The following NFIA variants were observed in gnomAD, a reference collection of about 807,000 sequenced individuals.
NFIA encodes the protein nuclear factor I A, also known as nuclear factor 1 A-type.
In NFIA, 8 loss-of-function variants were observed where a neutral mutation model predicts 62.8. That is an observed-to-expected ratio of 0.13 (90% CI 0.07 to 0.23). The LOEUF is 0.23. Ranked by LOEUF, NFIA falls within the 10% of genes least tolerant of loss-of-function variation. NFIA has a pLI of 1.00. For missense variants in NFIA, 410 were observed against 642.1 expected (o/e 0.64, Z 3.91); for synonymous variants, 235 against 238.1 (o/e 0.99, Z 0.12).
At chr1:61,172,337 G>C (rs1019571931) in intron 2 of NFIA, among the ~76,000 whole-genome samples, 1 of 152,242 alleles carries the variant, frequency 6.6e-6, no homozygotes, top group Admixed American at 6.5e-5. Context: ...TGCTGGTGAC[G>C]AATGACATGA....
At chr1:61,147,138 T>C (rs1195061845) in intron 2 of NFIA, among the ~76,000 whole-genome samples, 1 of 152,106 alleles carries the variant, frequency 6.6e-6, no homozygotes, top group African/African-American at 2.4e-5. Context: ...TCAAGGTGAA[T>C]GCCTGATTCT....
At chr1:61,177,074 C>A (rs1347272342) in intron 2 of NFIA, among the ~76,000 whole-genome samples, 1 of 151,890 alleles carries the variant, frequency 6.6e-6, no homozygotes, top group Non-Finnish European at 1.5e-5. Context: ...CCACTGCACT[C>A]CAGCCTGGGC....
At chr1:61,262,371 T>C (rs542572861) in intron 2 of NFIA, among the ~76,000 whole-genome samples, 17 of 152,372 alleles carry the variant, frequency 1.1e-4, no homozygotes, top group Non-Finnish European at 2.2e-4. Context: ...TGTTACTTTC[T>C]GCTAATTTAA....
At chr1:61,333,248 C>G (rs569786334) in intron 4 of NFIA, among the ~76,000 whole-genome samples, 9 of 152,234 alleles carry the variant, frequency 5.9e-5, no homozygotes, top group Admixed American at 4.6e-4. Flanking sequence ...CAAAATACCA[C>G]TTGTAGGTAA....
chr1:61,185,509 T>C (rs1651105791), intron 2 of NFIA, among the ~76,000 whole-genome samples: 1 of 152,178 alleles, frequency 6.6e-6, no homozygotes, highest in African/African-American at 2.4e-5. Context: ...TTAGTTTATA[T>C]CACTCTTCTG....
intron 2 of NFIA, among the ~76,000 whole-genome samples, chr1:61,096,121 G>C (rs1219959433): frequency 6.6e-6 from 1 of 152,072 alleles, no homozygotes; most frequent in Non-Finnish European, 1.5e-5. Flanking sequence ...AATTTTATTA[G>C]TTTAAAATTA....
intron 3 of NFIA, among the ~76,000 whole-genome samples, chr1:61,285,968 A>G (rs76695516): frequency 0.052 from 7,947 of 152,246 alleles, 732 homozygotes; most frequent in African/African-American, 0.18. Context: ...TCAGAGATGA[A>G]CAAGAAGAAG....
intron 9 of NFIA, among the ~76,000 whole-genome samples, chr1:61,410,784 G>A (rs547155000): frequency 2.4e-4 from 37 of 152,188 alleles, no homozygotes; most frequent in African/African-American, 7.0e-4. Context: ...GCGTGCACCC[G>A]TAGTTTCAGC....
At position 61,437,946 on chromosome 1, in the gene NFIA, A is replaced by G. The variant is rs72915764; in HGVS notation, c.1512+11390A>G. ...ACATACCTTTTTCCAAGGGTAGTAAAGCACTTGGACTTTATTCTGTGGGAG... is the reference window on the plus strand; with the variant it reads ...ACATACCTTTTTCCAAGGGTAGTAAGGCACTTGGACTTTATTCTGTGGGAG... On this transcript the variant is annotated intron_variant, in intron 10 of 10. Transcript: ENST00000403491. 9.6e-3 allele frequency among the ~76,000 whole-genome samples: 1,458 copies of G among 152,284 alleles called. 14 individuals are homozygous for G. The highest frequency in any genetic ancestry group is 0.033 in the African/African-American group (1,376 of 41,552).
At chr1:61,216,866 G>C (rs2100611194) in intron 2 of NFIA, among the ~76,000 whole-genome samples, 2 of 151,880 alleles carry the variant, frequency 1.3e-5, no homozygotes, top group Admixed American at 1.3e-4. Context: ...TGGGCGTGGT[G>C]GTGGGTGCCT....
chr1:61,152,027 C>G (rs1221061436), intron 2 of NFIA, among the ~76,000 whole-genome samples: 4 of 152,168 alleles, frequency 2.6e-5, no homozygotes, highest in African/African-American at 9.7e-5. Flanking sequence ...AACTGAAGAT[C>G]TTTAAAAATG....
chr1:61,367,337 C>T (rs1056496256), intron 6 of NFIA, among the ~76,000 whole-genome samples: 1 of 152,202 alleles, frequency 6.6e-6, no homozygotes, highest in African/African-American at 2.4e-5. Context: ...CATGGACACT[C>T]CACTGCACTA....
intron 3 of NFIA, 140 bp downstream of exon 3, chr1:61,277,725 A>G (rs1657895738): frequency 2.6e-6 from 2 of 773,404 alleles, no homozygotes; most frequent in Non-Finnish European, 4.2e-6. Flanking sequence ...AAACTCAAGT[A>G]GATTACTTTT....
intron 2 of NFIA, among the ~76,000 whole-genome samples, chr1:61,161,705 TTA>T: frequency 6.6e-6 from 1 of 152,198 alleles, no homozygotes; most frequent in Admixed American, 6.5e-5. Flanking sequence ...GAGCATGTGT[TTA>T]TGTGTGTATG....
chr1:61,370,028 A>G (rs1224534080), intron 6 of NFIA, among the ~76,000 whole-genome samples: 1 of 152,190 alleles, frequency 6.6e-6, no homozygotes, highest in African/African-American at 2.4e-5. Flanking sequence ...ACTCCAGAAT[A>G]AGTGGCTTTT....
chr1:61,279,518 TC>T (rs1658009487), intron 3 of NFIA, among the ~76,000 whole-genome samples: 1 of 152,230 alleles, frequency 6.6e-6, no homozygotes, highest in Non-Finnish European at 1.5e-5. Flanking sequence ...TTCTTTATTT[TC>T]CACTTGACTT....
intron 2 of NFIA, among the ~76,000 whole-genome samples, chr1:61,257,010 TG>T (rs1317511252): frequency 6.6e-6 from 1 of 152,176 alleles, no homozygotes; most frequent in East Asian, 1.9e-4. Context: ...GACTACCAGT[TG>T]GGTTTTTTGT....
chr1:61,234,098 T>C (rs920735104), intron 2 of NFIA, among the ~76,000 whole-genome samples: 3 of 151,780 alleles, frequency 2.0e-5, no homozygotes, highest in Non-Finnish European at 4.4e-5. Context: ...CTGGGCGCGG[T>C]GGCTCACACT....
upstream of NFIA, chr1:61,077,757 G>A (rs999094422): frequency 4.4e-5 from 25 of 565,716 alleles, no homozygotes; most frequent in Non-Finnish European, 2.8e-5. Context: ...TTAAGTGATT[G>A]CTGGGTAAAT....
Sources: allele counts gnomAD v4.1 joint callset (sites outside exome capture counted in the v4.1 genomes callset), GRCh38; gene constraint gnomAD v4.1.1; transcripts MANE v1.5; gene names NCBI Gene and HGNC (gene_info 2026-07-23, HGNC 2026-07-21).